SEMA3D: variants seen among roughly 807,000 people sequenced by gnomAD.
The protein encoded by SEMA3D is semaphorin 3D, also known as semaphorin-3D.
A neutral mutation model predicts 100.1 loss-of-function variants in SEMA3D; 84 were observed. That is an observed-to-expected ratio of 0.84 (90% confidence interval 0.70 to 1.01). SEMA3D has a LOEUF of 1.01. Ranked by LOEUF, SEMA3D falls within the 50% of genes least tolerant of loss-of-function variation. The probability of loss-of-function intolerance (pLI) is 0.00; values close to 1 mark genes in which losing one functional copy is unlikely to be tolerated. For synonymous variants in SEMA3D, 312 were observed against 320.7 expected, an observed-to-expected ratio of 0.97 and a Z score of 0.29; for missense variants, 875 against 934.1, an observed-to-expected ratio of 0.94 and a Z score of 0.82.
At chr7:85,120,666 C>CAAA (rs765641197) in intron 3 of SEMA3D, among the ~76,000 whole-genome samples, 110 of 82,622 alleles carry the variant, frequency 1.3e-3, no homozygotes, top group African/African-American at 2.0e-3. Context: ...GACTTCATCT[C>CAAA]AAAAAAAAAA....
intron 2 of SEMA3D, among the ~76,000 whole-genome samples, chr7:85,148,669 A>C (rs62462192): frequency 0.21 from 32,194 of 152,114 alleles, 3,600 homozygotes; most frequent in Non-Finnish European, 0.26. Context: ...TCTCAGTACA[A>C]TACATCTCAC....
intron 3 of SEMA3D, among the ~76,000 whole-genome samples, chr7:85,107,448 G>A (rs760033098): frequency 3.3e-5 from 5 of 152,008 alleles, no homozygotes; most frequent in Admixed American, 3.3e-4. Context: ...GCAGGTATAA[G>A]CAATGAGAAA....
At chr7:85,212,623 T>G in the SEMA3D span, among the ~76,000 whole-genome samples, 2 of 152,124 alleles carry the variant, frequency 1.3e-5, no homozygotes, top group South Asian at 4.1e-4. Flanking sequence ...AGAAAAATGC[T>G]TCTTTTTAAT....
upstream of SEMA3D, among the ~76,000 whole-genome samples, chr7:85,191,212 C>T (rs1584003135): frequency 6.6e-6 from 1 of 152,100 alleles, no homozygotes; most frequent in Non-Finnish European, 1.5e-5. Flanking sequence ...CCAACATTCA[C>T]TAGAATTTGG....
At chr7:85,152,639 A>G (rs1192055723) in intron 2 of SEMA3D, among the ~76,000 whole-genome samples, 1 of 152,172 alleles carries the variant, frequency 6.6e-6, no homozygotes, top group Non-Finnish European at 1.5e-5. Flanking sequence ...CATTGCCAAG[A>G]TTACATACAA....
At chr7:85,087,183 T>C (rs1788243995) in intron 4 of SEMA3D, among the ~76,000 whole-genome samples, 2 of 152,188 alleles carry the variant, frequency 1.3e-5, no homozygotes, top group Admixed American at 1.3e-4. Flanking sequence ...TAGAAAGTCA[T>C]CCACAGATAT....
intron 4 of SEMA3D, among the ~76,000 whole-genome samples, chr7:85,094,712 G>A (rs1399358551): frequency 6.6e-6 from 1 of 151,912 alleles, no homozygotes; most frequent in Non-Finnish European, 1.5e-5. Flanking sequence ...TTGATCTAGT[G>A]TTGGGGGAAT....
chr7:85,204,605 C>T, the SEMA3D span, among the ~76,000 whole-genome samples: 1 of 152,024 alleles, frequency 6.6e-6, no homozygotes, highest in Non-Finnish European at 1.5e-5. Flanking sequence ...TACTCCCTTC[C>T]ATATTGTTGA....
chr7:85,146,619 T>C (rs754422189), intron 2 of SEMA3D, among the ~76,000 whole-genome samples: 15 of 151,660 alleles, frequency 9.9e-5, no homozygotes, highest in Non-Finnish European at 1.9e-4. Flanking sequence ...ATTGTATTGG[T>C]AAAAAGAAAT....
At position 84,999,322 on chromosome 7, in the gene SEMA3D, G is replaced by A. The variant is rs1320541870; in HGVS notation, c.*118C>T. 1.3e-6 allele frequency: 1 copy of A among 782,096 alleles called. No homozygotes were observed. Among genetic ancestry groups the A allele is most frequent in the African/African-American group, 1.8e-5 (1 of 57,088 alleles). The allele number at this position is 782,096 out of a possible 1,614,324, so 48.4% of individuals were successfully genotyped here. A position where few individuals can be genotyped will look rare whatever the true frequency, so the allele number is the denominator to read the frequency against. On this transcript the variant is annotated 3_prime_UTR_variant, in exon 19 of 19. Coordinates refer to ENST00000284136, the MANE Select transcript of SEMA3D (RefSeq NM_001384900.1). ...CACATATTGTCTTATTCAGATTATT[G>A]TCTTGTGCCTTAGCAAAACTCCATG... is the stretch of plus-strand genomic sequence containing the variant.
intron 1 of SEMA3D, among the ~76,000 whole-genome samples, chr7:85,156,324 A>G (rs1324163591): frequency 6.6e-6 from 1 of 151,718 alleles, no homozygotes; most frequent in Non-Finnish European, 1.5e-5. Context: ...GATGGTCTCT[A>G]TCTCCTGAAC....
chr7:85,198,755 T>A, the SEMA3D span, among the ~76,000 whole-genome samples: 2 of 151,482 alleles, frequency 1.3e-5, no homozygotes, highest in Non-Finnish European at 3.0e-5. Context: ...TAAAGTTTTT[T>A]ATTAACTGGT....
chr7:85,141,713 G>A (rs1790056369), intron 2 of SEMA3D: 2 of 915,400 alleles, frequency 2.2e-6, no homozygotes, highest in Non-Finnish European at 2.6e-6. Context: ...TGTTTATTTA[G>A]TATCTAATAA....
At chr7:85,013,529 T>G (rs17558957) in intron 16 of SEMA3D, among the ~76,000 whole-genome samples, 35,009 of 151,642 alleles carry the variant, frequency 0.23, 4,895 homozygotes, top group Non-Finnish European at 0.33. Flanking sequence ...AAATCCCTGC[T>G]ACATCTAAGC....
the SEMA3D span, among the ~76,000 whole-genome samples, chr7:85,224,771 G>A: frequency 6.6e-6 from 1 of 151,736 alleles, no homozygotes; most frequent in East Asian, 1.9e-4. Context: ...GGCAAAACAG[G>A]CAGCCTTTAA....
intron 13 of SEMA3D, among the ~76,000 whole-genome samples, chr7:85,020,708 T>C (rs925681194): frequency 1.7e-4 from 26 of 151,666 alleles, no homozygotes; most frequent in African/African-American, 6.0e-4. Flanking sequence ...CCATGTAATA[T>C]ATATTTATTA....
Position 85,131,766 on chromosome 7 carries a change from T to C in SEMA3D, c.-40-9835A>G, listed in dbSNP as rs534911711. On this transcript the variant is annotated intron_variant, in intron 2 of 18. Coordinates refer to ENST00000284136, the MANE Select transcript of SEMA3D (RefSeq NM_001384900.1). ...TGTATTGAATCTTAACAGGTGGTAA[T>C]TTAAAAAAAATTTATGCATCTATGA... is the stretch of plus-strand genomic sequence containing the variant. Among the ~76,000 whole-genome samples, 18 of 152,034 alleles carry C rather than the reference T, an allele frequency of 1.2e-4. No individual in the cohort carries two copies. In the South Asian group the frequency reaches 3.7e-3, roughly 32 times the overall value.
intron 9 of SEMA3D, among the ~76,000 whole-genome samples, chr7:85,049,196 T>C (rs1301591283): frequency 1.3e-5 from 2 of 151,764 alleles, no homozygotes; most frequent in African/African-American, 2.4e-5. Flanking sequence ...CAAAAACTTT[T>C]GTGGCAGCTA....
intron 12 of SEMA3D, among the ~76,000 whole-genome samples, chr7:85,026,930 CA>C (rs2115881663): frequency 6.6e-6 from 1 of 152,088 alleles, no homozygotes; most frequent in East Asian, 1.9e-4. Context: ...GAAGATTAAG[CA>C]AGGTAAAAAT....
Sources: allele counts gnomAD v4.1 joint callset (sites outside exome capture counted in the v4.1 genomes callset), GRCh38; gene constraint gnomAD v4.1.1; transcripts MANE v1.5; gene names NCBI Gene and HGNC (gene_info 2026-07-23, HGNC 2026-07-21).